TGFA: variants seen among roughly 807,000 people sequenced by gnomAD.
TGFA encodes the protein transforming growth factor alpha, also known as protransforming growth factor alpha.
Under a neutral mutation model 21.7 loss-of-function variants are expected in TGFA, and 12 were observed. The observed-to-expected ratio is 0.55, with a 90% CI of 0.35 to 0.90. The LOEUF (loss-of-function observed/expected upper bound fraction) is 0.90. Ranked by LOEUF, TGFA falls within the 40% of genes least tolerant of loss-of-function variation. The pLI is 0.01. For synonymous variants in TGFA, 79 were observed against 88.1 expected, an observed-to-expected ratio of 0.90 and a Z score of 0.58; for missense variants, 178 against 210.8, an observed-to-expected ratio of 0.84 and a Z score of 0.96.
chr2:70,549,122 A>G (rs1559148048), intron 1 of TGFA, among the ~76,000 whole-genome samples: 1 of 152,216 alleles, frequency 6.6e-6, no homozygotes, highest in African/African-American at 2.4e-5. Context: ...CCAAAGGAAA[A>G]GGTGACATGA....
intron 3 of TGFA, among the ~76,000 whole-genome samples, chr2:70,458,931 C>T (rs1277490632): frequency 6.6e-6 from 1 of 152,168 alleles, no homozygotes; most frequent in Non-Finnish European, 1.5e-5. Context: ...GGAGCCTGGG[C>T]TTTGGAATGG....
At chr2:70,469,833 C>G (rs1670681762) in intron 2 of TGFA, among the ~76,000 whole-genome samples, 1 of 152,144 alleles carries the variant, frequency 6.6e-6, no homozygotes, top group Non-Finnish European at 1.5e-5. Flanking sequence ...AGTATTAGGT[C>G]AGTAGAAATA....
chr2:70,513,914 G>A (rs2103852055), intron 2 of TGFA, among the ~76,000 whole-genome samples: 2 of 152,308 alleles, frequency 1.3e-5, no homozygotes, highest in East Asian at 3.9e-4. Context: ...ACTGCTGGGA[G>A]AAATCAGCAC....
chr2:70,504,479 T>TGC (rs1671855125), intron 2 of TGFA, among the ~76,000 whole-genome samples: 2 of 87,268 alleles, frequency 2.3e-5, no homozygotes, highest in African/African-American at 1.1e-4. Flanking sequence ...CATACATACA[T>TGC]ACATACACAC....
At chr2:70,541,703 G>A (rs902247489) in intron 1 of TGFA, among the ~76,000 whole-genome samples, 1 of 152,126 alleles carries the variant, frequency 6.6e-6, no homozygotes, top group African/African-American at 2.4e-5. Context: ...TTTGTTGGGG[G>A]AGGAGAGTGC....
intron 2 of TGFA, among the ~76,000 whole-genome samples, chr2:70,466,518 A>AAACCAAAAAAACAAAC (rs1335779445): frequency 2.0e-5 from 3 of 152,106 alleles, no homozygotes; most frequent in African/African-American, 7.3e-5. Flanking sequence ...GTCTCAAAAA[A>AAACCAAAAAAACAAAC]AACCAAAAAA....
chr2:70,459,674 G>C (rs1553491203), intron 3 of TGFA, among the ~76,000 whole-genome samples: 1 of 152,192 alleles, frequency 6.6e-6, no homozygotes, highest in Non-Finnish European at 1.5e-5. Flanking sequence ...GACTTTCCAT[G>C]CTTTTTCTAC....
chr2:70,511,926 C>T (rs535948581), intron 2 of TGFA, among the ~76,000 whole-genome samples: 1 of 150,818 alleles, frequency 6.6e-6, no homozygotes, highest in Admixed American at 6.6e-5. Context: ...CACACACACA[C>T]ACACTTGCTA....
intron 1 of TGFA, among the ~76,000 whole-genome samples, chr2:70,535,697 T>C (rs951016540): frequency 6.6e-6 from 1 of 152,200 alleles, no homozygotes; most frequent in Non-Finnish European, 1.5e-5. Flanking sequence ...TCCAATTTAG[T>C]TGAAAGGACT....
intron 2 of TGFA, among the ~76,000 whole-genome samples, chr2:70,504,321 G>A (rs1671833160): frequency 6.6e-6 from 1 of 150,928 alleles, no homozygotes; most frequent in African/African-American, 2.4e-5. Flanking sequence ...GAGTTGGGAG[G>A]ATTACTTGAG....
At chr2:70,533,149 G>A (rs1337972697) in intron 1 of TGFA, among the ~76,000 whole-genome samples, 1 of 151,988 alleles carries the variant, frequency 6.6e-6, no homozygotes, top group Non-Finnish European at 1.5e-5. Context: ...GGCGTGAGCC[G>A]CCACGCCCAG....
At chr2:70,540,339 T>A (rs1014665166) in intron 1 of TGFA, among the ~76,000 whole-genome samples, 1 of 152,216 alleles carries the variant, frequency 6.6e-6, no homozygotes, top group Admixed American at 6.5e-5. Context: ...GCCATGATCC[T>A]TAGATCAATG....
intron 2 of TGFA, among the ~76,000 whole-genome samples, chr2:70,469,374 A>G (rs1670665854): frequency 6.6e-6 from 1 of 152,070 alleles, no homozygotes; most frequent in African/African-American, 2.4e-5. Flanking sequence ...TCACTTCATC[A>G]TCCAGGCTGG....
intron 4 of TGFA, 133 bp downstream of exon 4, chr2:70,456,206 A>T: frequency 8.0e-7 from 1 of 1,246,216 alleles, no homozygotes; most frequent in Non-Finnish European, 1.1e-6. Context: ...AGTAGCATTT[A>T]GCTTTCCTGA....
intron 1 of TGFA, among the ~76,000 whole-genome samples, chr2:70,531,413 A>G (rs1430081335): frequency 6.6e-6 from 1 of 152,214 alleles, no homozygotes; most frequent in Non-Finnish European, 1.5e-5. Context: ...AACACCTTTT[A>G]AAGCCTCAAG....
intron 2 of TGFA, among the ~76,000 whole-genome samples, chr2:70,488,863 G>A (rs1671344532): frequency 6.6e-6 from 1 of 152,166 alleles, no homozygotes; most frequent in Non-Finnish European, 1.5e-5. Flanking sequence ...AAAGTTCCAT[G>A]GAAGTCCTGC....
In TGFA at chr2:70,518,546, G is replaced by C. The variant is rs557582201; in HGVS notation, c.41-3634C>G. ...GAAGTGGAGCCATCCCAAAACCTAT[G>C]TGCTGATGTGTCAATGGGAAATGCT... On this transcript the variant is annotated intron_variant, in intron 1 of 5. Transcript: ENST00000295400. 2.3e-4 allele frequency among the ~76,000 whole-genome samples: 35 copies of C among 152,302 alleles called. No homozygotes were observed. The South Asian group carries it at 7.3e-3, about 32-fold the overall frequency.
chr2:70,521,830 G>A (rs568431269), intron 1 of TGFA, among the ~76,000 whole-genome samples: 1 of 151,934 alleles, frequency 6.6e-6, no homozygotes, highest in African/African-American at 2.4e-5. Context: ...GGCCAGGCTG[G>A]TCTTGAACTC....
At chr2:70,541,670 G>A (rs1405146164) in intron 1 of TGFA, among the ~76,000 whole-genome samples, 2 of 152,294 alleles carry the variant, frequency 1.3e-5, no homozygotes, top group South Asian at 2.1e-4. Context: ...CAGCACAGGG[G>A]TGTGCTTGTT....
Sources: gnomAD v4.1 joint callset for allele counts (sites outside exome capture counted in the v4.1 genomes callset) on GRCh38, gnomAD v4.1.1 for gene constraint, MANE v1.5 for transcripts, NCBI Gene and HGNC (gene_info 2026-07-23, HGNC 2026-07-21) for gene names.